The following NXPE2 variants were observed in gnomAD, a reference collection of about 807,000 sequenced individuals.
The protein encoded by NXPE2 is NXPE family member 2.
A neutral mutation model predicts 34.4 loss-of-function variants in NXPE2; 34 were observed. The observed-to-expected ratio is 0.99, with a 90% CI of 0.75 to 1.31. The LOEUF (loss-of-function observed/expected upper bound fraction) is 1.31. Ranked by LOEUF, NXPE2 falls within the 40% of genes most tolerant of loss-of-function variation. NXPE2 has a pLI of 0.00. For missense variants in NXPE2, 649 were observed against 672.5 expected (o/e 0.97, Z 0.39); for synonymous variants, 235 against 231.3 (o/e 1.02, Z -0.15).
At chr11:114,500,646 G>C in the NXPE2 span, among the ~76,000 whole-genome samples, 3 of 151,898 alleles carry the variant, frequency 2.0e-5, no homozygotes, top group Admixed American at 6.6e-5. Flanking sequence ...TTTCTTCTAT[G>C]GTTATTGCTT....
At chr11:114,547,942 A>G in the NXPE2 span, among the ~76,000 whole-genome samples, 151 of 152,278 alleles carry the variant, frequency 9.9e-4, no homozygotes, top group African/African-American at 2.8e-3. Context: ...TATTCTTACA[A>G]TTTTTCTGTA....
the NXPE2 span, among the ~76,000 whole-genome samples, chr11:114,596,771 C>T: frequency 6.6e-6 from 1 of 152,192 alleles, no homozygotes; most frequent in African/African-American, 2.4e-5. Context: ...CCCAAGTTCA[C>T]AGTCTACTCT....
the NXPE2 span, among the ~76,000 whole-genome samples, chr11:114,639,237 C>G: frequency 3.9e-5 from 6 of 152,030 alleles, no homozygotes. Flanking sequence ...TGCGAGCAAT[C>G]AGCGAGACTC....
chr11:114,696,047 A>T (rs150684964), intron 2 of NXPE2, among the ~76,000 whole-genome samples: 1 of 151,826 alleles, frequency 6.6e-6, no homozygotes, highest in Non-Finnish European at 1.5e-5. Context: ...AAGAAGAAGA[A>T]GAAATCAGGC....
the NXPE2 span, among the ~76,000 whole-genome samples, chr11:114,537,628 A>ACAC: frequency 6.6e-6 from 1 of 152,222 alleles, no homozygotes; most frequent in Non-Finnish European, 1.5e-5. Flanking sequence ...GCATTCTTAT[A>ACAC]CACCAGTAAC....
the NXPE2 span, among the ~76,000 whole-genome samples, chr11:114,618,118 G>C: frequency 2.0e-5 from 3 of 150,182 alleles, no homozygotes; most frequent in Non-Finnish European, 4.4e-5. Context: ...GTGTCGCCTC[G>C]TGGGAAACCA....
At chr11:114,606,181 G>C in the NXPE2 span, among the ~76,000 whole-genome samples, 3 of 151,804 alleles carry the variant, frequency 2.0e-5, no homozygotes, top group Non-Finnish European at 4.4e-5. Context: ...TGCCTTGTGG[G>C]TAATCACAGT....
At chr11:114,723,832 T>C in the NXPE2 span, among the ~76,000 whole-genome samples, 1 of 152,154 alleles carries the variant, frequency 6.6e-6, no homozygotes, top group Non-Finnish European at 1.5e-5. Flanking sequence ...CTGTGATAGG[T>C]AAGCATGGAA....
the NXPE2 span, among the ~76,000 whole-genome samples, chr11:114,789,896 G>A: frequency 3.3e-5 from 5 of 152,166 alleles, no homozygotes; most frequent in African/African-American, 1.2e-4. Context: ...GTTCATCTTT[G>A]TATTCCTCTG....
the NXPE2 span, among the ~76,000 whole-genome samples, chr11:114,481,689 A>C: frequency 1.3e-5 from 2 of 152,072 alleles, no homozygotes; most frequent in Non-Finnish European, 2.9e-5. Flanking sequence ...GCAGTGTAGA[A>C]ATCTCCCATG....
At chr11:114,618,691 A>T in the NXPE2 span, among the ~76,000 whole-genome samples, 1 of 152,000 alleles carries the variant, frequency 6.6e-6, no homozygotes, top group Non-Finnish European at 1.5e-5. Flanking sequence ...CCCACTTGAT[A>T]ATAAGTGCTG....
At chr11:114,698,852 A>C in intron 3 of NXPE2, 74 bp downstream of exon 3, 1 of 1,374,270 alleles carries the variant, frequency 7.3e-7, no homozygotes, top group South Asian at 1.6e-5. Context: ...GTTTTGCCTA[A>C]TCAAACTTTT....
At chr11:114,645,753 G>A in the NXPE2 span, among the ~76,000 whole-genome samples, 2 of 152,072 alleles carry the variant, frequency 1.3e-5, no homozygotes, top group South Asian at 2.1e-4. Context: ...TGACTAATAC[G>A]TATATGTGAA....
the NXPE2 span, among the ~76,000 whole-genome samples, chr11:114,537,231 C>T: frequency 6.6e-6 from 1 of 152,122 alleles, no homozygotes; most frequent in Non-Finnish European, 1.5e-5. Flanking sequence ...AATTCAACAA[C>T]CCTTCATGCT....
At chr11:114,776,386 C>T in the NXPE2 span, among the ~76,000 whole-genome samples, 7 of 152,372 alleles carry the variant, frequency 4.6e-5, no homozygotes, top group East Asian at 3.9e-4. Context: ...CTCCCATCTG[C>T]GGCTGATAAC....
At chr11:114,546,279 G>C in the NXPE2 span, among the ~76,000 whole-genome samples, 1 of 152,234 alleles carries the variant, frequency 6.6e-6, no homozygotes, top group African/African-American at 2.4e-5. Context: ...ATGACAGATG[G>C]TGGGAGCCAG....
chr11:114,686,190 G>A (rs1206805492), intron 2 of NXPE2, among the ~76,000 whole-genome samples: 1 of 152,072 alleles, frequency 6.6e-6, no homozygotes, highest in Non-Finnish European at 1.5e-5. Flanking sequence ...GCATGATGAT[G>A]TGGTTTGGGC....
chr11:114,687,412 T>C (rs893542777), intron 2 of NXPE2, among the ~76,000 whole-genome samples: 2 of 151,908 alleles, frequency 1.3e-5, no homozygotes, highest in African/African-American at 4.8e-5. Flanking sequence ...TATTGAACAT[T>C]AGTTGGTTAC....
the NXPE2 span, among the ~76,000 whole-genome samples, chr11:114,626,418 T>A: frequency 6.6e-6 from 1 of 152,188 alleles, no homozygotes; most frequent in Non-Finnish European, 1.5e-5. Context: ...AGGGGCAGAC[T>A]GACACCTCAC....
Sources: allele counts gnomAD v4.1 joint callset (sites outside exome capture counted in the v4.1 genomes callset), GRCh38; gene constraint gnomAD v4.1.1; transcripts MANE v1.5; gene names NCBI Gene and HGNC (gene_info 2026-07-23, HGNC 2026-07-21).